Variants in SLIT3 observed in about 807,000 individuals in gnomAD.
SLIT3 encodes the protein slit guidance ligand 3.
In SLIT3, 68 loss-of-function variants were observed where a neutral mutation model predicts 184.0. That is an observed-to-expected ratio of 0.37 (90% CI 0.30 to 0.45). The LOEUF (loss-of-function observed/expected upper bound fraction) is 0.45, where lower values mean the gene tolerates loss of function less well. Among genes scored for constraint, SLIT3 ranks in the 20% least tolerant of loss-of-function variants. SLIT3 has a pLI of 1.00. For synonymous variants in SLIT3, 831 were observed against 828.6 expected (o/e 1.00, Z -0.05); for missense variants, 1,707 against 2,026.0 (o/e 0.84, Z 3.02).
Position 169,093,631 on chromosome 5 carries a change from T to C in SLIT3, c.413+99848A>G, listed in dbSNP as rs189406223. On this transcript the variant is annotated intron_variant, in intron 4 of 35. Coordinates refer to ENST00000519560, the MANE Select transcript of SLIT3 (RefSeq NM_003062.4). ...CAGAGTTTTACAATAGAGTAGCTCA[T>C]GGGTTTTAGTCTTTGTTTTTATAAG... 3.0e-3 allele frequency among the ~76,000 whole-genome samples: 453 copies of C among 152,298 alleles called. 3 individuals are homozygous for C. The highest frequency in any genetic ancestry group is 0.014 in the Middle Eastern group (4 of 294).
At chr5:169,043,274 G>T (rs953201383) in intron 4 of SLIT3, among the ~76,000 whole-genome samples, 5 of 152,266 alleles carry the variant, frequency 3.3e-5, no homozygotes, top group South Asian at 4.1e-4. Context: ...AGATTCAATG[G>T]TCATACTCCA....
chr5:168,969,676 A>G (rs1246214981), intron 4 of SLIT3, among the ~76,000 whole-genome samples: 5 of 152,204 alleles, frequency 3.3e-5, no homozygotes, highest in African/African-American at 1.2e-4. Flanking sequence ...TGACAGCTTG[A>G]TAAATGGGAA....
intron 8 of SLIT3, among the ~76,000 whole-genome samples, chr5:168,812,934 G>T (rs1340940302): frequency 6.6e-6 from 1 of 151,944 alleles, no homozygotes; most frequent in Non-Finnish European, 1.5e-5. Context: ...TGTTTCTAGA[G>T]AGATAAGCAT....
At chr5:169,091,368 C>T (rs296004) in intron 4 of SLIT3, among the ~76,000 whole-genome samples, 78,398 of 151,866 alleles carry the variant, frequency 0.52, 21,291 homozygotes, top group African/African-American at 0.67. Context: ...CCATTCTTCC[C>T]ACCCATTCAA....
chr5:168,980,259 C>T (rs1352583445), intron 4 of SLIT3, among the ~76,000 whole-genome samples: 8 of 152,040 alleles, frequency 5.3e-5, no homozygotes, highest in African/African-American at 7.3e-5. Flanking sequence ...TGGAGTGGTG[C>T]CCGGGTTCTG....
chr5:169,222,836 A>G (rs1272382162), intron 3 of SLIT3, among the ~76,000 whole-genome samples: 1 of 152,154 alleles, frequency 6.6e-6, no homozygotes, highest in Non-Finnish European at 1.5e-5. Flanking sequence ...ACCCAGAGAG[A>G]AGCACCAGGA....
At chr5:168,976,653 T>G (rs890214294) in intron 4 of SLIT3, among the ~76,000 whole-genome samples, 4 of 152,214 alleles carry the variant, frequency 2.6e-5, no homozygotes, top group African/African-American at 7.2e-5. Flanking sequence ...CCTCCTGTGC[T>G]GTGTGCATCT....
intron 3 of SLIT3, among the ~76,000 whole-genome samples, chr5:169,196,309 G>A (rs1294014146): frequency 6.6e-6 from 1 of 152,194 alleles, no homozygotes; most frequent in African/African-American, 2.4e-5. Flanking sequence ...GATTCACCGG[G>A]GCTGGGCACA....
chr5:169,288,722 G>A (rs1348255673), intron 1 of SLIT3, among the ~76,000 whole-genome samples: 1 of 152,060 alleles, frequency 6.6e-6, no homozygotes, highest in Non-Finnish European at 1.5e-5. Context: ...CTACTGTCTT[G>A]GACACTGTCA....
intron 3 of SLIT3, among the ~76,000 whole-genome samples, chr5:169,207,246 T>A (rs1279681039): frequency 6.6e-6 from 1 of 152,038 alleles, no homozygotes; most frequent in East Asian, 1.9e-4. Flanking sequence ...GAATCCCAGA[T>A]GTTCACTTAC....
chr5:168,976,592 T>C (rs1754771081), intron 4 of SLIT3, among the ~76,000 whole-genome samples: 1 of 152,252 alleles, frequency 6.6e-6, no homozygotes, highest in Non-Finnish European at 1.5e-5. Flanking sequence ...TTACTGTATG[T>C]GACAGCTGCA....
intron 4 of SLIT3, among the ~76,000 whole-genome samples, chr5:169,138,946 CA>C (rs1761624877): frequency 1.3e-5 from 2 of 152,354 alleles, no homozygotes; most frequent in South Asian, 4.1e-4. Context: ...TGGCAGTGGA[CA>C]ACTGATGTCC....
chr5:169,047,533 GGAGACCTAGATGGAA>G, intron 4 of SLIT3, among the ~76,000 whole-genome samples: 1 of 150,472 alleles, frequency 6.6e-6, no homozygotes, highest in Admixed American at 6.6e-5. Flanking sequence ...CCTTCCATCT[GGAGACCTAGATGGAA>G]CCTACCCTTC....
chr5:168,798,469 T>G (rs529403829), intron 9 of SLIT3, among the ~76,000 whole-genome samples: 8 of 152,194 alleles, frequency 5.3e-5, no homozygotes, highest in Non-Finnish European at 1.2e-4. Context: ...CTTCAAGCAA[T>G]CCTCCTGCCT....
Position 168,687,054 on chromosome 5 carries a change from G to A in SLIT3, c.3239C>T (p.Ala1080Val). Residue 1080 changes from alanine to valine, a missense_variant, in exon 30 of 36, where the codon GCC (alanine) becomes GTC (valine). Ala to Val is a moderately conservative substitution (Grantham distance 64). Around this residue, in one of 3 missense-constraint regions of SLIT3, gnomAD observed 1,307 missense variants for 1,511.6 expected, o/e 0.86. Transcript: ENST00000519560. ...CTGGGCCCCGTGGCGGCACTTGTGG[G>A]CCACACAGTCATCATTGTCTGTCTC... ...LCETDNDDCV[A>V]HKCRHGAQCV... The A allele has an allele frequency of 6.2e-7, 1 of 1,614,260 alleles. No individual in the cohort carries two copies. The highest frequency in any genetic ancestry group is 1.7e-5 in the Admixed American group (1 of 60,032).
chr5:169,189,208 G>A (rs1451657663), intron 4 of SLIT3, among the ~76,000 whole-genome samples: 5 of 152,060 alleles, frequency 3.3e-5, no homozygotes, highest in Non-Finnish European at 5.9e-5. Flanking sequence ...ATGGGTGCAC[G>A]GAGGGTAGCC....
chr5:168,768,812 T>C (rs1038128595), intron 14 of SLIT3, among the ~76,000 whole-genome samples: 6 of 152,202 alleles, frequency 3.9e-5, no homozygotes, highest in East Asian at 1.9e-4. Context: ...GTCTCCTTTA[T>C]ATCCTTTGAG....
chr5:169,131,296 G>C (rs551310106), intron 4 of SLIT3, among the ~76,000 whole-genome samples: 1 of 152,330 alleles, frequency 6.6e-6, no homozygotes, highest in South Asian at 2.1e-4. Context: ...TCCGAGCGCA[G>C]TACCTGGAGC....
chr5:168,836,328 A>G (rs923954711), intron 6 of SLIT3, among the ~76,000 whole-genome samples: 4 of 152,174 alleles, frequency 2.6e-5, no homozygotes, highest in Admixed American at 6.5e-5. Flanking sequence ...CAAGTTATTC[A>G]CTAAACATTC....
Sources: allele counts gnomAD v4.1 joint callset (sites outside exome capture counted in the v4.1 genomes callset), GRCh38; gene constraint gnomAD v4.1.1; regional missense constraint gnomAD v4.1.1; transcripts MANE v1.5; gene names NCBI Gene and HGNC (gene_info 2026-07-23, HGNC 2026-07-21).